Variants in USP32 observed in about 807,000 individuals in gnomAD.
USP32 encodes the protein ubiquitin specific peptidase 32.
A neutral mutation model predicts 204.8 loss-of-function variants in USP32; 59 were observed. The observed-to-expected ratio is 0.29, with a 90% confidence interval of 0.23 to 0.36. USP32 has a LOEUF of 0.36. USP32 is among the 10% of genes least tolerant of loss of function. The pLI is 1.00. For synonymous variants in USP32, 517 were observed against 678.4 expected, an observed-to-expected ratio of 0.76 and a Z score of 3.70; for missense variants, 1,160 against 1,946.4, an observed-to-expected ratio of 0.60 and a Z score of 7.60.
chr17:60,263,441 G>A (rs892595943), intron 9 of USP32, among the ~76,000 whole-genome samples: 2 of 152,178 alleles, frequency 1.3e-5, no homozygotes, highest in East Asian at 1.9e-4. Flanking sequence ...AGTCACCAGC[G>A]AATATGGTTA....
chr17:60,293,474 A>G (rs1311361724), intron 4 of USP32, among the ~76,000 whole-genome samples: 1 of 152,224 alleles, frequency 6.6e-6, no homozygotes, highest in Non-Finnish European at 1.5e-5. Context: ...GTAAATTACT[A>G]TCACAGCAAC....
At chr17:60,187,824 C>T (rs1216760645) in intron 29 of USP32, among the ~76,000 whole-genome samples, 4 of 152,128 alleles carry the variant, frequency 2.6e-5, no homozygotes, top group Non-Finnish European at 5.9e-5. Flanking sequence ...TTTAAATAAT[C>T]TATAAATTAC....
intron 13 of USP32, among the ~76,000 whole-genome samples, chr17:60,225,822 C>T (rs1259841175): frequency 1.3e-5 from 2 of 151,964 alleles, no homozygotes; most frequent in South Asian, 2.1e-4. Flanking sequence ...GGCGTGGTGG[C>T]GGGTGCCTGT....
At position 60,356,244 on chromosome 17, in the gene USP32, G is replaced by T. The variant is rs77965831; in HGVS notation, c.59-10636C>A. ...TGCCTGAGAAAGCAGTGGCAGATGGGGCTAACAAGAGGTTAACCAAAAAAC... is the reference window on the plus strand; with the variant it reads ...TGCCTGAGAAAGCAGTGGCAGATGGTGCTAACAAGAGGTTAACCAAAAAAC... On this transcript the variant is annotated intron_variant, in intron 1 of 33. Transcript: ENST00000300896. 1.3e-3 allele frequency among the ~76,000 whole-genome samples: 199 copies of T among 152,196 alleles called. 1 individual carries two copies. The highest frequency in any genetic ancestry group is 4.5e-3 in the African/African-American group (186 of 41,510).
At chr17:60,221,623 C>T (rs960176743) in intron 15 of USP32, among the ~76,000 whole-genome samples, 8 of 151,804 alleles carry the variant, frequency 5.3e-5, no homozygotes, top group Non-Finnish European at 1.2e-4. Context: ...TCTCCTGCCT[C>T]AGCCTACCAA....
intron 1 of USP32, among the ~76,000 whole-genome samples, chr17:60,367,878 T>C (rs2089348997): frequency 6.6e-6 from 1 of 152,236 alleles, no homozygotes; most frequent in Non-Finnish European, 1.5e-5. Context: ...GTACAGGCTT[T>C]TTTTTTTCTT....
In USP32 at chr17:60,226,077, A is replaced by G. The variant is rs970866078; in HGVS notation, c.1394T>C (p.Ile465Thr). The change falls in exon 13 of 34, where the codon ATT (isoleucine) becomes ACT (threonine). Residue 465 changes from isoleucine to threonine, a missense_variant. This residue lies in a region of USP32 where 536 missense variants were observed against 680.9 expected (regional missense o/e 0.79). Coordinates refer to ENST00000300896, the MANE Select transcript of USP32 (RefSeq NM_032582.4). ...NTTEEKFSDN[I>T]STASEASETA... ...TTCTGAGGCTTCAGATGCAGTAGAA[A>G]TGTTGTCTGAAAATTTCTCTTCTGT... 1 of 1,606,408 alleles carries G rather than the reference A, an allele frequency of 6.2e-7. No individual in the cohort carries two copies. The highest frequency in any genetic ancestry group is 1.3e-5 in the African/African-American group (1 of 74,430).
chr17:60,208,001 A>T, intron 24 of USP32, 58 bp downstream of exon 24: 1 of 1,512,064 alleles, frequency 6.6e-7, no homozygotes, highest in Non-Finnish European at 8.9e-7. Flanking sequence ...ATAATAATTG[A>T]GAAAAATGTC....
At chr17:60,413,536 G>T (rs1598324278) in intron 1 of USP32, among the ~76,000 whole-genome samples, 1 of 152,144 alleles carries the variant, frequency 6.6e-6, no homozygotes, top group East Asian at 1.9e-4. Flanking sequence ...TGGTTAAGAG[G>T]CAAAGCTTTT....
chr17:60,183,479 C>T (rs779662775), intron 30 of USP32, 26 bp from the exon 31 acceptor site: 165 of 1,565,096 alleles, frequency 1.1e-4, no homozygotes, highest in Non-Finnish European at 1.4e-4. Context: ...TAGAAAACAT[C>T]TGCATTAAAG....
intron 9 of USP32, chr17:60,256,859 T>C: frequency 1.5e-6 from 1 of 676,936 alleles, no homozygotes; most frequent in East Asian, 6.9e-5. Context: ...CAACTTATTA[T>C]TCCTCACAGA....
At chr17:60,267,974 T>C (rs1354771954) in intron 7 of USP32, among the ~76,000 whole-genome samples, 1 of 151,608 alleles carries the variant, frequency 6.6e-6, no homozygotes, top group Admixed American at 6.6e-5. Flanking sequence ...CTGCACCCAG[T>C]TAATTTTTGT....
intron 4 of USP32, among the ~76,000 whole-genome samples, chr17:60,292,991 T>C (rs1266986704): frequency 6.6e-6 from 1 of 152,138 alleles, no homozygotes; most frequent in African/African-American, 2.4e-5. Context: ...CTCAAGGCCT[T>C]TGCTATATTC....
chr17:60,191,332 G>A lies in USP32; in HGVS notation c.3522-649C>T, dbSNP rs373322786. Reference sequence around the variant, plus strand: ...TGGGAGAATTGCTTGAACCTGGGAGGTGGAGGTTGCAGTGAGCCGAGGTTG... The same window carrying A: ...TGGGAGAATTGCTTGAACCTGGGAGATGGAGGTTGCAGTGAGCCGAGGTTG... On this transcript the variant is annotated intron_variant, in intron 28 of 33. Coordinates refer to ENST00000300896, the MANE Select transcript of USP32 (RefSeq NM_032582.4). 8.0e-5 allele frequency among the ~76,000 whole-genome samples: 12 copies of A among 149,362 alleles called. No homozygotes were observed. The East Asian group carries it at 1.2e-3, about 15-fold the overall frequency.
intron 8 of USP32, 32 bp downstream of exon 8, chr17:60,265,944 T>C (rs756620774): frequency 1.3e-6 from 2 of 1,517,058 alleles, no homozygotes; most frequent in South Asian, 2.3e-5. Context: ...TGGAAGTTTA[T>C]ACGCAACAAG....
intron 9 of USP32, among the ~76,000 whole-genome samples, chr17:60,260,172 G>A (rs1484193859): frequency 6.6e-6 from 1 of 152,116 alleles, no homozygotes; most frequent in Non-Finnish European, 1.5e-5. Context: ...TCCATCATTA[G>A]TATTCCTCTT....
chr17:60,386,951 C>T (rs2089742742), intron 1 of USP32, among the ~76,000 whole-genome samples: 1 of 152,178 alleles, frequency 6.6e-6, no homozygotes, highest in South Asian at 2.1e-4. Context: ...AAAACTGCCC[C>T]ATTTTTCTCC....
intron 1 of USP32, among the ~76,000 whole-genome samples, chr17:60,354,826 G>A (rs1440720150): frequency 1.3e-5 from 2 of 152,134 alleles, no homozygotes; most frequent in African/African-American, 4.8e-5. Flanking sequence ...CAGGCAGATC[G>A]CTTAAGGTCA....
intron 1 of USP32, among the ~76,000 whole-genome samples, chr17:60,378,502 C>T (rs745333817): frequency 3.3e-5 from 5 of 152,102 alleles, no homozygotes; most frequent in Non-Finnish European, 5.9e-5. Flanking sequence ...CACCAATGTT[C>T]ACAACAACAT....
Sources: allele counts gnomAD v4.1 joint callset (sites outside exome capture counted in the v4.1 genomes callset), GRCh38; gene constraint gnomAD v4.1.1; regional missense constraint gnomAD v4.1.1; transcripts MANE v1.5; gene names NCBI Gene and HGNC (gene_info 2026-07-23, HGNC 2026-07-21).